Variants in MYO5C observed in about 807,000 individuals in gnomAD.
MYO5C encodes the protein unconventional myosin-Vc.
In MYO5C, 194 loss-of-function variants were observed where a neutral mutation model predicts 235.7. The observed-to-expected ratio is 0.82, with a 90% confidence interval of 0.73 to 0.93. The LOEUF is 0.93. Among genes scored for constraint, MYO5C ranks in the 40% least tolerant of loss-of-function variants. The probability of loss-of-function intolerance (pLI) is 0.00; values close to 1 mark genes in which losing one functional copy is unlikely to be tolerated. For missense variants in MYO5C, 2,038 were observed against 2,127.2 expected (o/e 0.96, Z 0.82); for synonymous variants, 707 against 754.8 (o/e 0.94, Z 1.04).
chr15:52,278,243 C>CTGAG (rs2037092394), intron 4 of MYO5C, among the ~76,000 whole-genome samples: 1 of 152,154 alleles, frequency 6.6e-6, no homozygotes, highest in African/African-American at 2.4e-5. Context: ...GAGCACAAAT[C>CTGAG]CCAGATCTGC....
chr15:52,295,396 G>A (rs1474336397), intron 1 of MYO5C, among the ~76,000 whole-genome samples: 1 of 152,174 alleles, frequency 6.6e-6, no homozygotes, highest in African/African-American at 2.4e-5. Flanking sequence ...GGGCAGGGAC[G>A]GAGCACGCCG....
intron 38 of MYO5C, among the ~76,000 whole-genome samples, chr15:52,196,941 A>G (rs1039790161): frequency 2.0e-5 from 3 of 152,174 alleles, no homozygotes; most frequent in African/African-American, 7.2e-5. Context: ...GTTAAGAGGC[A>G]TGGGTTTTAG....
intron 30 of MYO5C, among the ~76,000 whole-genome samples, chr15:52,220,780 T>C (rs2035662603): frequency 6.7e-6 from 1 of 150,002 alleles, no homozygotes; most frequent in Non-Finnish European, 1.5e-5. Context: ...TGAGCCGAAA[T>C]CGCACCATTG....
At chr15:52,259,477 T>C (rs573101468) in intron 10 of MYO5C, among the ~76,000 whole-genome samples, 1 of 151,340 alleles carries the variant, frequency 6.6e-6, no homozygotes, top group African/African-American at 2.4e-5. Context: ...TAAAGGACTG[T>C]CATTTAAAAA....
intron 9 of MYO5C, 134 bp downstream of exon 9, chr15:52,264,056 G>A (rs184980703): frequency 4.9e-5 from 30 of 617,384 alleles, no homozygotes; most frequent in Admixed American, 9.6e-5. Flanking sequence ...AACCCTTGCC[G>A]CCTGCCTCCT....
intron 13 of MYO5C, among the ~76,000 whole-genome samples, chr15:52,249,186 T>C (rs2036418485): frequency 6.6e-6 from 1 of 152,142 alleles, no homozygotes. Flanking sequence ...AAATCAACAT[T>C]AATGTGGTAG....
chr15:52,226,135 G>A (rs2141293202), intron 25 of MYO5C, among the ~76,000 whole-genome samples: 1 of 152,216 alleles, frequency 6.6e-6, no homozygotes, highest in Middle Eastern at 3.4e-3. Context: ...ACAGGGGGAA[G>A]ACTGAGAAAG....
rs67197964 is a variant in MYO5C at position 52,230,826 on chromosome 15, CTTTTT to C, written c.3027-1518_3027-1514del. ...AAGGAAAAGGCAGCCAGAAGTCTTCCTTTTTTTTTTTTTTTTTTGGAGACAGGGTC... is the reference window on the plus strand; with the variant it reads ...AAGGAAAAGGCAGCCAGAAGTCTTCCTTTTTTTTTTTTTGGAGACAGGGTC... On this transcript the variant is annotated intron_variant, in intron 24 of 40. Coordinates refer to ENST00000261839, the MANE Select transcript of MYO5C (RefSeq NM_018728.4). Among the ~76,000 whole-genome samples, 131 of 128,594 alleles carry C rather than the reference CTTTTT, an allele frequency of 1.0e-3. 1 individual carries two copies. The highest frequency in any genetic ancestry group is 3.8e-3 in the African/African-American group (126 of 33,254). 84.4% of individuals were successfully genotyped at this position (128,594 alleles called of 152,430 possible). A position where few individuals can be genotyped will look rare whatever the true frequency, so the allele number is the denominator to read the frequency against.
chr15:52,236,054 CT>C (rs138422419), intron 22 of MYO5C, among the ~76,000 whole-genome samples: 1,890 of 152,320 alleles, frequency 0.012, 34 homozygotes, highest in East Asian at 0.099. Flanking sequence ...ATACTTCTTC[CT>C]TTTGTCGAGC....
At chr15:52,263,594 G>T (rs1281865237) in intron 9 of MYO5C, among the ~76,000 whole-genome samples, 1 of 152,084 alleles carries the variant, frequency 6.6e-6, no homozygotes, top group South Asian at 2.1e-4. Flanking sequence ...CTGGATACAT[G>T]GACCTTCGTG....
At chr15:52,204,738 C>G (rs2035262563) in intron 38 of MYO5C, 127 bp downstream of exon 38, 2 of 1,185,868 alleles carry the variant, frequency 1.7e-6, no homozygotes, top group East Asian at 2.6e-5. Context: ...TCGAATATCC[C>G]TACAGCAGTA....
intron 38 of MYO5C, among the ~76,000 whole-genome samples, chr15:52,196,874 C>T (rs1332995054): frequency 6.6e-6 from 1 of 152,178 alleles, no homozygotes; most frequent in African/African-American, 2.4e-5. Flanking sequence ...TGAAGGCTTT[C>T]GGTCGACTGC....
intron 18 of MYO5C, 33 bp downstream of exon 18, chr15:52,245,321 G>A (rs1411013934): frequency 1.5e-6 from 2 of 1,374,140 alleles, no homozygotes; most frequent in Non-Finnish European, 2.1e-6. Flanking sequence ...TTCCAGGAAG[G>A]AGACCATGAT....
At chr15:52,259,877 G>A (rs901975339) in intron 10 of MYO5C, among the ~76,000 whole-genome samples, 11 of 152,276 alleles carry the variant, frequency 7.2e-5, no homozygotes, top group Admixed American at 3.9e-4. Context: ...CAGCAGGGCC[G>A]TGAAGGCCAG....
chr15:52,268,311 TC>T (rs569156724), intron 8 of MYO5C, among the ~76,000 whole-genome samples: 4 of 152,210 alleles, frequency 2.6e-5, no homozygotes, highest in South Asian at 2.1e-4. Flanking sequence ...ATGCCTGTAA[TC>T]CCAGCATTTT....
intron 36 of MYO5C, among the ~76,000 whole-genome samples, chr15:52,207,750 T>C (rs2141270349): frequency 6.6e-6 from 1 of 152,278 alleles, no homozygotes; most frequent in Middle Eastern, 3.4e-3. Context: ...AGCTACAGTC[T>C]ATCCATATGA....
At chr15:52,227,210 G>T (rs79455038) in intron 25 of MYO5C, among the ~76,000 whole-genome samples, 85,456 of 105,394 alleles carry the variant, frequency 0.81, 32,878 homozygotes, top group Non-Finnish European at 0.85. Context: ...TTTTTTTTTT[G>T]TTGAGACGGA....
chr15:52,246,883 A>ACGT, intron 16 of MYO5C, 34 bp downstream of exon 16: 1 of 1,553,684 alleles, frequency 6.4e-7, no homozygotes, highest in Non-Finnish European at 8.8e-7. Flanking sequence ...CTGCCTTCCC[A>ACGT]CGTCTTCGCT....
chr15:52,224,643 C>A (rs975673601), intron 28 of MYO5C, among the ~76,000 whole-genome samples: 1 of 152,188 alleles, frequency 6.6e-6, no homozygotes, highest in Non-Finnish European at 1.5e-5. Context: ...TTTCTGGCAA[C>A]ATTAACTAAC....
Sources: allele counts gnomAD v4.1 joint callset (sites outside exome capture counted in the v4.1 genomes callset), GRCh38; gene constraint gnomAD v4.1.1; transcripts MANE v1.5; gene names NCBI Gene and HGNC (gene_info 2026-07-23, HGNC 2026-07-21).